Variants in LGR5 observed in about 807,000 individuals in gnomAD.
The protein encoded by LGR5 is leucine rich repeat containing G protein-coupled receptor 5.
Under a neutral mutation model 76.7 loss-of-function variants are expected in LGR5, and 54 were observed. The ratio of observed to expected loss-of-function variants is 0.70; its 90% confidence interval spans 0.57 to 0.88. The LOEUF (loss-of-function observed/expected upper bound fraction) is 0.88. Ranked by LOEUF, LGR5 falls within the 40% of genes least tolerant of loss-of-function variation. The pLI, the probability that LGR5 is intolerant of heterozygous loss-of-function variation, is 0.00. For missense variants in LGR5, 1,078 were observed against 1,073.3 expected (o/e 1.00, Z -0.06); for synonymous variants, 406 against 421.9 (o/e 0.96, Z 0.46).
chr12:71,568,947 T>A (rs1878474874), intron 11 of LGR5, among the ~76,000 whole-genome samples: 1 of 152,214 alleles, frequency 6.6e-6, no homozygotes, highest in Non-Finnish European at 1.5e-5. Context: ...TTTCATATTG[T>A]ATGGGTAGAA....
At chr12:71,518,754 G>A (rs755264285) in intron 2 of LGR5, among the ~76,000 whole-genome samples, 1 of 152,014 alleles carries the variant, frequency 6.6e-6, no homozygotes, top group Admixed American at 6.6e-5. Context: ...AGAAAACCAG[G>A]TACCACATAG....
chr12:71,477,518 A>G (rs948398345), intron 1 of LGR5, among the ~76,000 whole-genome samples: 15 of 150,476 alleles, frequency 1.0e-4, no homozygotes, highest in African/African-American at 3.4e-4. Context: ...AATAAAATAT[A>G]CATTGTACAT....
At chr12:71,535,367 C>T (rs1876534219) in intron 4 of LGR5, among the ~76,000 whole-genome samples, 181 bp downstream of exon 4, 1 of 152,106 alleles carries the variant, frequency 6.6e-6, no homozygotes, top group Non-Finnish European at 1.5e-5. Context: ...ATGGGAGGAA[C>T]CAGTGTTGGA....
intron 1 of LGR5, among the ~76,000 whole-genome samples, chr12:71,448,235 A>C (rs1357256484): frequency 6.6e-6 from 1 of 152,092 alleles, no homozygotes; most frequent in Non-Finnish European, 1.5e-5. Context: ...TTTTTTCTTG[A>C]AACCTTGATT....
chr12:71,454,859 T>G (rs1184627691), intron 1 of LGR5, among the ~76,000 whole-genome samples: 1 of 150,704 alleles, frequency 6.6e-6, no homozygotes, highest in African/African-American at 2.5e-5. Context: ...AAAACACTCA[T>G]TGTGGAAATA....
chr12:71,554,248 A>G (rs1452508269), intron 5 of LGR5, among the ~76,000 whole-genome samples: 1 of 152,190 alleles, frequency 6.6e-6, no homozygotes, highest in Non-Finnish European at 1.5e-5. Context: ...TTGTTGGGTC[A>G]GGGATGAAAT....
chr12:71,508,495 C>T (rs1327355689), intron 2 of LGR5, among the ~76,000 whole-genome samples: 1 of 152,178 alleles, frequency 6.6e-6, no homozygotes, highest in Non-Finnish European at 1.5e-5. Flanking sequence ...GGGGCTCACA[C>T]CTGTAATCCC....
Position 71,583,875 on chromosome 12 carries a change from G to A in LGR5, c.1865G>A (p.Gly622Asp), listed in dbSNP as rs1385232297. The A allele has an allele frequency of 5.0e-6, 8 of 1,614,124 alleles. No individual in the cohort carries two copies. Among genetic ancestry groups the A allele is most frequent in the Non-Finnish European group, 6.8e-6 (8 of 1,180,030 alleles). The change falls in exon 18 of 18, where the codon GGC becomes GAC. Residue 622 changes from glycine (G) to aspartate (D), a missense_variant. Transcript: ENST00000266674. ...GCTGGTGTGGATGCGTTCACTTTTG[G>A]CAGCTTTGCACGACATGGTGCCTGG... Reference protein sequence around the residue: ...VLAGVDAFTFGSFARHGAWWE... With the variant: ...VLAGVDAFTFDSFARHGAWWE...
intron 1 of LGR5, among the ~76,000 whole-genome samples, chr12:71,496,163 A>G (rs1874307763): frequency 6.6e-6 from 1 of 152,124 alleles, no homozygotes; most frequent in Non-Finnish European, 1.5e-5. Flanking sequence ...CCAGGTCAGG[A>G]GATCAAGACC....
intron 4 of LGR5, among the ~76,000 whole-genome samples, chr12:71,548,852 T>A (rs1021751720): frequency 2.6e-5 from 4 of 151,266 alleles, no homozygotes; most frequent in Non-Finnish European, 4.4e-5. Flanking sequence ...ACACACACCC[T>A]CTGTGACTTG....
chr12:71,560,311 G>T (rs928199926), intron 7 of LGR5, among the ~76,000 whole-genome samples: 2 of 152,108 alleles, frequency 1.3e-5, no homozygotes, highest in Non-Finnish European at 2.9e-5. Context: ...CTAGAGAAAA[G>T]AAAATGTTAT....
intron 17 of LGR5, among the ~76,000 whole-genome samples, chr12:71,582,887 G>A (rs1415448590): frequency 1.3e-5 from 2 of 151,406 alleles, no homozygotes; most frequent in African/African-American, 4.9e-5. Flanking sequence ...AAGTGACTTA[G>A]GTTTTTCTTA....
rs1871735452 is a variant in LGR5, at chr12:71,440,902, A to T, written c.212+610A>T. On this transcript the variant is annotated intron_variant, in intron 1 of 17. Transcript: ENST00000266674. The surrounding 1 kb of genome is among the most constrained non-coding windows in gnomAD (Gnocchi z 5.3). ...ATTTTCTTTCTTTTTTAACGGCGTG[A>T]TTAAAATGTGGCAACCACAAACCCC... 6.6e-6 allele frequency among the ~76,000 whole-genome samples: 1 copy of T among 150,724 alleles called. No individual in the cohort carries two copies. Among genetic ancestry groups the T allele is most frequent in the Non-Finnish European group, 1.5e-5 (1 of 67,798 alleles).
At chr12:71,481,180 C>T (rs533510094) in intron 1 of LGR5, among the ~76,000 whole-genome samples, 2 of 152,278 alleles carry the variant, frequency 1.3e-5, no homozygotes, top group East Asian at 3.9e-4. Flanking sequence ...CTGCACCTAT[C>T]AAACCATCAT....
intron 1 of LGR5, chr12:71,448,397 C>G (rs1471908969): frequency 1.3e-5 from 2 of 152,100 alleles, no homozygotes; most frequent in Non-Finnish European, 2.9e-5. Flanking sequence ...AATTTTTAAC[C>G]TTAGTACATA....
intron 4 of LGR5, among the ~76,000 whole-genome samples, chr12:71,546,542 C>G (rs1030901514): frequency 3.3e-5 from 5 of 152,124 alleles, no homozygotes; most frequent in African/African-American, 4.8e-5. Flanking sequence ...CTGGCCACAT[C>G]TGGGGAGTCA....
chr12:71,544,833 A>G (rs1877071656), intron 4 of LGR5, among the ~76,000 whole-genome samples: 1 of 152,226 alleles, frequency 6.6e-6, no homozygotes, highest in South Asian at 2.1e-4. Context: ...AATAATAATC[A>G]AGAATGCTTT....
Position 71,503,424 on chromosome 12 carries a change from G to A in LGR5, c.213-1190G>A, listed in dbSNP as rs552064006. ...TAATAAAATTAATAGCAATTTGGGGGTGGTGCCATACTCTGAAACAATTAA... is the reference window on the plus strand; with the variant it reads ...TAATAAAATTAATAGCAATTTGGGGATGGTGCCATACTCTGAAACAATTAA... On this transcript the variant is annotated intron_variant, in intron 1 of 17. Coordinates refer to ENST00000266674, the MANE Select transcript of LGR5 (RefSeq NM_003667.4). Among the ~76,000 whole-genome samples the A allele has an allele frequency of 2.6e-5, 4 of 152,260 alleles. No homozygotes were observed. The South Asian group carries it at 8.3e-4, about 32-fold the overall frequency.
At chr12:71,580,819 A>C (rs1311532381) in intron 16 of LGR5, among the ~76,000 whole-genome samples, 2 of 152,178 alleles carry the variant, frequency 1.3e-5, no homozygotes, top group African/African-American at 4.8e-5. Flanking sequence ...AAAAAGGAAA[A>C]AAAATTATCA....
Sources: gnomAD v4.1 joint callset for allele counts (sites outside exome capture counted in the v4.1 genomes callset) on GRCh38, gnomAD v4.1.1 for gene constraint, Gnocchi (gnomAD v3.1) non-coding constraint, MANE v1.5 for transcripts, NCBI Gene and HGNC (gene_info 2026-07-23, HGNC 2026-07-21) for gene names.